Variants in CRACD observed in about 807,000 individuals in gnomAD.
CRACD encodes the protein capping protein inhibiting regulator of actin dynamics.
Under a neutral mutation model 106.8 loss-of-function variants are expected in CRACD, and 56 were observed. The observed-to-expected ratio is 0.52, with a 90% CI of 0.42 to 0.66. The LOEUF (loss-of-function observed/expected upper bound fraction) is 0.66, where lower values mean the gene tolerates loss of function less well. Ranked by LOEUF, CRACD falls within the 30% of genes least tolerant of loss-of-function variation. The pLI is 0.00. For synonymous variants in CRACD, 754 were observed against 670.8 expected, an observed-to-expected ratio of 1.12 and a Z score of -1.92; for missense variants, 1,730 against 1,623.2, an observed-to-expected ratio of 1.07 and a Z score of -1.13.
intron 1 of CRACD, among the ~76,000 whole-genome samples, chr4:56,162,843 C>T (rs1340339295): frequency 6.6e-6 from 1 of 152,172 alleles, no homozygotes; most frequent in African/African-American, 2.4e-5. Context: ...GGGTAGAGTG[C>T]TCTGCCTTAG....
intron 1 of CRACD, among the ~76,000 whole-genome samples, chr4:56,091,740 C>T (rs778474467): frequency 1.3e-5 from 2 of 152,086 alleles, no homozygotes; most frequent in African/African-American, 2.4e-5. Context: ...GTCTGGGAAA[C>T]GAATTTCCAT....
intron 10 of CRACD, among the ~76,000 whole-genome samples, chr4:56,325,182 A>C (rs948654602): frequency 2.6e-5 from 4 of 152,126 alleles, no homozygotes; most frequent in African/African-American, 9.7e-5. Context: ...TAAAAATACA[A>C]AAATTAGCCA....
At chr4:56,174,313 C>T (rs765380902) in intron 1 of CRACD, among the ~76,000 whole-genome samples, 15 of 152,146 alleles carry the variant, frequency 9.9e-5, no homozygotes, top group Non-Finnish European at 1.3e-4. Flanking sequence ...CATTTCAAAT[C>T]CTGTCCTCCA....
chr4:56,199,202 T>A (rs1186915317), intron 2 of CRACD, among the ~76,000 whole-genome samples: 1 of 152,162 alleles, frequency 6.6e-6, no homozygotes, highest in Non-Finnish European at 1.5e-5. Context: ...TTAAATGAGA[T>A]GTTGCCCACA....
At chr4:56,119,446 T>G (rs1321878419) in intron 1 of CRACD, among the ~76,000 whole-genome samples, 1 of 151,572 alleles carries the variant, frequency 6.6e-6, no homozygotes, top group Non-Finnish European at 1.5e-5. Context: ...TCCTCCCACC[T>G]CAGACTCCCA....
intron 1 of CRACD, among the ~76,000 whole-genome samples, chr4:56,066,771 G>A (rs1401631100): frequency 6.6e-6 from 1 of 152,046 alleles, no homozygotes; most frequent in Non-Finnish European, 1.5e-5. Flanking sequence ...GGGAAGGCCT[G>A]TCTCAGTTCT....
Position 56,202,199 on chromosome 4 carries a change from A to G in CRACD, c.-189+22769A>G, listed in dbSNP as rs112658711. Among the ~76,000 whole-genome samples, 964 of 151,992 alleles carry G rather than the reference A, an allele frequency of 6.3e-3. 8 individuals carry two copies. Among genetic ancestry groups the G allele is most frequent in the African/African-American group, 0.022 (913 of 41,420 alleles). The stretch of plus-strand genomic sequence containing the variant: ...TCACTTTTTATTTTATGTTTTAAAA[A>G]AATTGACTATGAGTGATTTTTACTT... On this transcript the variant is annotated intron_variant, in intron 2 of 10. Coordinates refer to ENST00000682029, the MANE Select transcript of CRACD (RefSeq NM_001393381.1).
intron 1 of CRACD, among the ~76,000 whole-genome samples, chr4:56,070,687 A>G (rs1560441807): frequency 6.6e-6 from 1 of 152,156 alleles, no homozygotes; most frequent in Non-Finnish European, 1.5e-5. Context: ...CTCCAGCGTG[A>G]TTCCCAGGAC....
intron 2 of CRACD, among the ~76,000 whole-genome samples, chr4:56,190,154 A>AT (rs1185867894): frequency 2.0e-5 from 3 of 151,542 alleles, no homozygotes; most frequent in Non-Finnish European, 4.4e-5. Context: ...TGAACTCATC[A>AT]TTTTTTATGG....
intron 3 of CRACD, among the ~76,000 whole-genome samples, chr4:56,276,981 G>A (rs1742710572): frequency 6.6e-6 from 1 of 152,222 alleles, no homozygotes; most frequent in Admixed American, 6.5e-5. Flanking sequence ...TCGGGAAAGG[G>A]TTCAGGAATG....
At chr4:56,148,197 C>T (rs940760792) in intron 1 of CRACD, among the ~76,000 whole-genome samples, 20 of 151,916 alleles carry the variant, frequency 1.3e-4, no homozygotes, top group Admixed American at 1.2e-3. Context: ...GCATCCAGTA[C>T]TAAGGTTGTT....
intron 1 of CRACD, among the ~76,000 whole-genome samples, chr4:56,065,055 C>T (rs531010114): frequency 6.9e-5 from 10 of 144,450 alleles, no homozygotes; most frequent in Non-Finnish European, 1.5e-4. Flanking sequence ...TCAGAAGTGC[C>T]TCTGGAACCT....
intron 1 of CRACD, among the ~76,000 whole-genome samples, chr4:56,096,457 A>T (rs994623090): frequency 6.6e-6 from 1 of 152,114 alleles, no homozygotes; most frequent in African/African-American, 2.4e-5. Flanking sequence ...TCACATCTGT[A>T]TTCACAGCAT....
chr4:56,292,677 A>G (rs965977105), intron 3 of CRACD, among the ~76,000 whole-genome samples: 6 of 152,072 alleles, frequency 3.9e-5, no homozygotes, highest in Non-Finnish European at 8.8e-5. Flanking sequence ...GGCGCCTGCC[A>G]CCACGCCCAG....
chr4:56,294,893 A>T (rs1743904526), intron 3 of CRACD, among the ~76,000 whole-genome samples: 1 of 134,678 alleles, frequency 7.4e-6, no homozygotes, highest in Non-Finnish European at 1.5e-5. Flanking sequence ...CAGCCTGGGT[A>T]GCAGAGCAAG....
At chr4:56,262,766 C>A (rs1453081889) in intron 2 of CRACD, among the ~76,000 whole-genome samples, 4 of 152,184 alleles carry the variant, frequency 2.6e-5, no homozygotes, top group African/African-American at 9.7e-5. Context: ...CTTTCAAAAT[C>A]CCAAAAGTTC....
At chr4:56,104,402 CAAACACA>C (rs140540900) in intron 1 of CRACD, among the ~76,000 whole-genome samples, 4,846 of 151,930 alleles carry the variant, frequency 0.032, 132 homozygotes, top group South Asian at 0.061. Flanking sequence ...TCTCAAAAAA[CAAACACA>C]AAAAAACAAA....
At chr4:56,185,064 C>T (rs1737025598) in intron 2 of CRACD, among the ~76,000 whole-genome samples, 1 of 152,238 alleles carries the variant, frequency 6.6e-6, no homozygotes, top group African/African-American at 2.4e-5. Flanking sequence ...TCACGCCATT[C>T]TCCTGCCTCA....
intron 1 of CRACD, among the ~76,000 whole-genome samples, chr4:56,141,554 A>G (rs1735197252): frequency 6.6e-6 from 1 of 151,984 alleles, no homozygotes; most frequent in Non-Finnish European, 1.5e-5. Context: ...CTGTGATCGT[A>G]CCATTGCATT....
Sources: gnomAD v4.1 joint callset for allele counts (sites outside exome capture counted in the v4.1 genomes callset) on GRCh38, gnomAD v4.1.1 for gene constraint, MANE v1.5 for transcripts, NCBI Gene and HGNC (gene_info 2026-07-23, HGNC 2026-07-21) for gene names.